Variants in CHL1 observed in about 807,000 individuals in gnomAD.
CHL1 encodes the protein cell adhesion molecule L1 like.
CHL1 carries 96 observed loss-of-function variants against 141.9 expected under a neutral mutation model. That is an observed-to-expected ratio of 0.68 (90% CI 0.57 to 0.80). The LOEUF is 0.80. Among genes scored for constraint, CHL1 ranks in the 30% least tolerant of loss-of-function variants. The pLI is 0.00. For synonymous variants in CHL1, 613 were observed against 502.2 expected, an observed-to-expected ratio of 1.22 and a Z score of -2.95; for missense variants, 1,820 against 1,457.2, an observed-to-expected ratio of 1.25 and a Z score of -4.05.
intron 25 of CHL1, 74 bp from the exon 26 acceptor site, chr3:398,943 A>C: frequency 1.4e-6 from 2 of 1,412,594 alleles, no homozygotes; most frequent in African/African-American, 1.4e-5. Flanking sequence ...AATGATGTCT[A>C]ATTTTCCCCA....
chr3:354,142 T>A (rs1398679067), intron 10 of CHL1, among the ~76,000 whole-genome samples: 1 of 152,204 alleles, frequency 6.6e-6, no homozygotes, highest in Non-Finnish European at 1.5e-5. Flanking sequence ...GTAGATTATA[T>A]GTATAAATGC....
intron 16 of CHL1, among the ~76,000 whole-genome samples, chr3:378,989 T>G (rs553841756): frequency 1.3e-5 from 2 of 152,336 alleles, no homozygotes; most frequent in East Asian, 3.9e-4. Context: ...GTGGCCACCA[T>G]GTAGTCTTTC....
At chr3:303,710 C>G (rs985820092) in intron 2 of CHL1, among the ~76,000 whole-genome samples, 2 of 151,976 alleles carry the variant, frequency 1.3e-5, no homozygotes, top group Admixed American at 1.3e-4. Context: ...TTTGAATACA[C>G]TTTATTTCTT....
intron 3 of CHL1, among the ~76,000 whole-genome samples, chr3:320,615 A>T (rs957234378): frequency 6.6e-6 from 1 of 152,046 alleles, no homozygotes; most frequent in Non-Finnish European, 1.5e-5. Context: ...TGAGCCCAGG[A>T]GTTCAAGACT....
intron 16 of CHL1, 97 bp downstream of exon 16, chr3:378,039 T>C: frequency 9.5e-7 from 1 of 1,056,684 alleles, no homozygotes; most frequent in East Asian, 2.8e-5. Flanking sequence ...TTTGAGCCCC[T>C]GCACATATAT....
Position 211,285 on chromosome 3 carries a change from A to G in CHL1, c.-175+14222A>G, listed in dbSNP as rs1699885227. On this transcript the variant is annotated intron_variant, in intron 1 of 27. Transcript: ENST00000256509. The stretch of plus-strand genomic sequence containing the variant: ...TGATACATCGGGCTGCAGAGCTCCT[A>G]TACCTATAACTCTCAAAAGCAAATG... Among the ~76,000 whole-genome samples the G allele has an allele frequency of 3.9e-5, 6 of 152,340 alleles. No individual in the cohort carries two copies. In the South Asian group the frequency reaches 1.0e-3, roughly 26 times the overall value.
chr3:274,896 G>C (rs1179545794), intron 2 of CHL1, among the ~76,000 whole-genome samples: 1 of 152,078 alleles, frequency 6.6e-6, no homozygotes, highest in Non-Finnish European at 1.5e-5. Flanking sequence ...CTGTGATCTT[G>C]GTGGCATCTT....
intron 1 of CHL1, among the ~76,000 whole-genome samples, chr3:240,954 A>C (rs1329487684): frequency 1.3e-5 from 2 of 152,154 alleles, no homozygotes; most frequent in African/African-American, 2.4e-5. Context: ...CCATTGGTCT[A>C]TGTGCCTAGT....
intron 16 of CHL1, among the ~76,000 whole-genome samples, chr3:380,540 C>A (rs998744392): frequency 6.6e-6 from 1 of 152,164 alleles, no homozygotes; most frequent in Non-Finnish European, 1.5e-5. Context: ...CAGAAATTTT[C>A]ATTTTCTTTA....
At chr3:351,620 G>A (rs1002140788) in intron 10 of CHL1, among the ~76,000 whole-genome samples, 4 of 152,062 alleles carry the variant, frequency 2.6e-5, no homozygotes, top group African/African-American at 7.2e-5. Context: ...TGAGAAAATA[G>A]CAATGCTATT....
chr3:270,894 C>T (rs1025356324), intron 2 of CHL1, among the ~76,000 whole-genome samples: 2 of 152,166 alleles, frequency 1.3e-5, no homozygotes, highest in Admixed American at 6.5e-5. Flanking sequence ...ACAGCAGTCT[C>T]AGGGTAGTTG....
Position 265,245 on chromosome 3 carries a change from T to A in CHL1, c.-95+20553T>A, listed in dbSNP as rs971614386. Among the ~76,000 whole-genome samples, 8 of 152,330 alleles carry A rather than the reference T, an allele frequency of 5.3e-5. No individual in the cohort carries two copies. In the Middle Eastern group the frequency reaches 0.01, roughly 194 times the overall value. On this transcript the variant is annotated intron_variant, in intron 2 of 27. Transcript: ENST00000256509. ...ATGAACTTAGCCAAATTTCTCAACA[T>A]TTCTGTGTCTCAACTACCTTATCTA...
In CHL1 at chr3:328,574, C is replaced by T. The variant is rs184070898; in HGVS notation, c.385+220C>T. ...TGACTCTGTTTCAGTAACCTTATAT[C>T]TAACATGGAAAAATATAATATCTGC... is the stretch of plus-strand genomic sequence containing the variant. On this transcript the variant is annotated intron_variant, in intron 5 of 27. Transcript: ENST00000256509. The T allele has an allele frequency of 1.2e-4, 45 of 383,970 alleles. No homozygotes were observed. The East Asian group carries it at 1.8e-3, about 15-fold the overall frequency. The allele number at this position is 383,970 out of a possible 1,614,324, so 23.8% of individuals were successfully genotyped here.
intron 1 of CHL1, among the ~76,000 whole-genome samples, chr3:227,965 C>T (rs1203913983): frequency 6.6e-6 from 1 of 152,170 alleles, no homozygotes; most frequent in East Asian, 1.9e-4. Context: ...ATCTATCTAT[C>T]CATCTATTTG....
At chr3:209,806 C>A (rs1488236229) in intron 1 of CHL1, among the ~76,000 whole-genome samples, 1 of 152,172 alleles carries the variant, frequency 6.6e-6, no homozygotes, top group Non-Finnish European at 1.5e-5. Context: ...TAAACGGTTT[C>A]TTTTACAAGC....
At chr3:338,835 C>G (rs1702138674) in intron 5 of CHL1, among the ~76,000 whole-genome samples, 1 of 152,126 alleles carries the variant, frequency 6.6e-6, no homozygotes, top group Admixed American at 6.5e-5. Context: ...ATTGTATAAT[C>G]TAGATTTAAT....
In CHL1 at chr3:291,252, A is replaced by C. The variant is rs537890518; in HGVS notation, c.-94-28431A>C. Among the ~76,000 whole-genome samples the C allele has an allele frequency of 1.6e-4, 25 of 152,138 alleles. No individual in the cohort carries two copies. The South Asian group carries it at 5.2e-3, about 32-fold the overall frequency. On this transcript the variant is annotated intron_variant, in intron 2 of 27. Coordinates refer to ENST00000256509, the MANE Select transcript of CHL1 (RefSeq NM_006614.4). ...GGGGGAAAACCTTTTGAATTTATTT[A>C]TCCTGGAGACACAAAACTTAAACTC...
At chr3:360,991 T>C (rs1704193492) in intron 12 of CHL1, among the ~76,000 whole-genome samples, 3 of 151,938 alleles carry the variant, frequency 2.0e-5, no homozygotes, top group Admixed American at 6.6e-5. Flanking sequence ...CAGTCTATCA[T>C]AGATGGACAT....
Position 347,163 on chromosome 3 carries a change from GT to G in CHL1, c.849-2187del, listed in dbSNP as rs200939451. On this transcript the variant is annotated intron_variant, in intron 9 of 27. Coordinates refer to ENST00000256509, the MANE Select transcript of CHL1 (RefSeq NM_006614.4). ...TGGACTCATGTGCACTGCTCAAATA[GT>G]TTTTTTTTCTGTTTTGTAAATTCGT... Among the ~76,000 whole-genome samples the G allele has an allele frequency of 2.0e-4, 30 of 151,358 alleles. No homozygotes were observed. The South Asian group carries it at 4.0e-3, about 20-fold the overall frequency.
Sources: allele counts gnomAD v4.1 joint callset (sites outside exome capture counted in the v4.1 genomes callset), GRCh38; gene constraint gnomAD v4.1.1; transcripts MANE v1.5; gene names NCBI Gene and HGNC (gene_info 2026-07-23, HGNC 2026-07-21).